Variants in MAGT1 observed in about 807,000 individuals in gnomAD.
The protein encoded by MAGT1 is magnesium transporter 1, also known as dolichyl-diphosphooligosaccharide--protein glycosyltransferase subunit MAGT1.
MAGT1 carries 4 observed loss-of-function variants against 28.4 expected under a neutral mutation model. That is an observed-to-expected ratio of 0.14 (90% CI 0.07 to 0.32). MAGT1 has a LOEUF of 0.32. MAGT1 is among the 10% of genes least tolerant of loss of function. The probability of loss-of-function intolerance (pLI) is 1.00; values close to 1 mark genes in which losing one functional copy is unlikely to be tolerated. For missense variants in MAGT1, 193 were observed against 264.5 expected, an observed-to-expected ratio of 0.73 and a Z score of 1.88; for synonymous variants, 89 against 89.7, an observed-to-expected ratio of 0.99 and a Z score of 0.04.
chrX:77,835,204 C>T (rs1397268916), intron 8 of MAGT1, among the ~76,000 whole-genome samples: 2 of 110,238 alleles, frequency 1.8e-5, no homozygotes, highest in Admixed American at 9.9e-5. Context: ...TCATGATCCA[C>T]CTGCCTCGGC....
chrX:77,892,633 C>CA (rs2077086309), intron 1 of MAGT1, among the ~76,000 whole-genome samples: 1 of 109,489 alleles, frequency 9.1e-6, no homozygotes, highest in East Asian at 2.9e-4. Flanking sequence ...CCCATTTCTA[C>CA]AAAAAATATA....
At chrX:77,832,779 C>T (rs782552051) in intron 8 of MAGT1, among the ~76,000 whole-genome samples, 2 of 94,474 alleles carry the variant, frequency 2.1e-5, no homozygotes, top group East Asian at 3.4e-4. Context: ...ACCAAGATCG[C>T]GCCACTGCAC....
rs1248983236 is a variant in MAGT1, at chrX:77,827,206, T to G, written c.*2014A>C. ...TATAATGATAACCATGAAAACATTC[T>G]TCACAGAAATTTGGTTAGCACATAT... On this transcript the variant is annotated 3_prime_UTR_variant, in exon 10 of 10. Transcript: ENST00000618282. The G allele has an allele frequency of 9.0e-6, 1 of 111,613 alleles. No homozygotes were observed. Among genetic ancestry groups the G allele is most frequent in the Non-Finnish European group, 1.9e-5 (1 of 53,170 alleles). 9.2% of individuals were successfully genotyped at this position (111,613 alleles called of 1,213,427 possible). A position where few individuals can be genotyped will look rare whatever the true frequency, so the allele number is the denominator to read the frequency against.
chrX:77,876,896 C>T (rs962485013), intron 1 of MAGT1, among the ~76,000 whole-genome samples: 7 of 108,011 alleles, frequency 6.5e-5, no homozygotes, highest in Non-Finnish European at 1.3e-4. Context: ...GCCTGTAATC[C>T]CAGCTACTTG....
intron 7 of MAGT1, among the ~76,000 whole-genome samples, chrX:77,851,691 A>G (rs1291960403): frequency 9.2e-6 from 1 of 108,737 alleles, no homozygotes; most frequent in Admixed American, 9.8e-5. Context: ...TAAGTTTTGT[A>G]TTTTTGGTAG....
chrX:77,895,217 C>T, intron 1 of MAGT1, 92 bp downstream of exon 1: 3 of 985,508 alleles, frequency 3.0e-6, no homozygotes, highest in Non-Finnish European at 4.3e-6. Flanking sequence ...GGCATAGAAG[C>T]GGCAGGGAAA....
rs1557219808 is a variant in MAGT1 at position 77,895,350 on chromosome X, C to T, written c.61G>A (p.Val21Ile). ...SVTMVVALLI[V>I]CDVPSASAQR... ...GCAGAGGCTGAGGGAACGTCGCAAA[C>T]GATGAGCAGCGCCACCACCATGGTC... Residue 21 changes from valine (V) to isoleucine (I), a missense_variant, in exon 1 of 10, where the codon GTT becomes ATT. Val to Ile is a conservative substitution (Grantham distance 29). Coordinates refer to ENST00000618282, the MANE Select transcript of MAGT1 (RefSeq NM_001367916.1). The T allele has an allele frequency of 3.3e-6, 4 of 1,212,143 alleles. No individual in the cohort carries two copies. The highest frequency in any genetic ancestry group is 4.5e-6 in the Non-Finnish European group (4 of 895,628).
chrX:77,857,988 T>C (rs1345231869), intron 3 of MAGT1, among the ~76,000 whole-genome samples: 1 of 111,791 alleles, frequency 8.9e-6, no homozygotes, highest in Non-Finnish European at 1.9e-5. Flanking sequence ...AAATGTTTAC[T>C]GATGAGCACC....
At chrX:77,847,908 G>C (rs984387475) in intron 7 of MAGT1, among the ~76,000 whole-genome samples, 21 of 111,159 alleles carry the variant, frequency 1.9e-4, no homozygotes, top group African/African-American at 5.9e-4. Flanking sequence ...CACCATGCCC[G>C]GCCAAAGATT....
chrX:77,832,265 T>C (rs1205358398), intron 8 of MAGT1, among the ~76,000 whole-genome samples: 1 of 111,549 alleles, frequency 9.0e-6, no homozygotes, highest in Non-Finnish European at 1.9e-5. Flanking sequence ...GAGATAGGGA[T>C]GTAGGGAAGC....
chrX:77,844,178 A>G (rs1285406996), intron 7 of MAGT1, among the ~76,000 whole-genome samples: 2 of 111,472 alleles, frequency 1.8e-5, no homozygotes, highest in Non-Finnish European at 3.8e-5. Flanking sequence ...TAGACATGAG[A>G]GGGTGTATGT....
chrX:77,865,459 TTTG>T (rs782331805), intron 3 of MAGT1, among the ~76,000 whole-genome samples: 19 of 108,967 alleles, frequency 1.7e-4, no homozygotes, highest in Non-Finnish European at 7.6e-5. Flanking sequence ...CCGTCTAATT[TTTG>T]TTGTTTTTTT....
intron 1 of MAGT1, among the ~76,000 whole-genome samples, chrX:77,891,315 CATCTATCTATCT>C (rs79053193): frequency 6.9e-4 from 62 of 90,434 alleles, no homozygotes; most frequent in Non-Finnish European, 1.1e-3. Context: ...TCAGTTCCCT[CATCTATCTATCT>C]ATCTATCTAT....
In MAGT1 at chrX:77,841,601, G is replaced by A. The variant is rs188186529; in HGVS notation, c.827-281C>T. Among the ~76,000 whole-genome samples, 546 of 110,698 alleles carry A rather than the reference G, an allele frequency of 4.9e-3. 2 individuals carry two copies. Among genetic ancestry groups the A allele is most frequent in the Non-Finnish European group, 8.2e-3 (434 of 52,962 alleles). ...TTACAGATGAAATATGAGTTTTCCC[G>A]AAATTGTACTTTGAAATAACCTGTC... On this transcript the variant is annotated intron_variant, in intron 7 of 9. Coordinates refer to ENST00000618282, the MANE Select transcript of MAGT1 (RefSeq NM_001367916.1).
At chrX:77,844,576 G>A (rs2076944933) in intron 7 of MAGT1, among the ~76,000 whole-genome samples, 1 of 110,626 alleles carries the variant, frequency 9.0e-6, no homozygotes, top group African/African-American at 3.3e-5. Flanking sequence ...TTTCTCTTGT[G>A]GGCATTTAGT....
chrX:77,870,880 G>A lies in MAGT1; in HGVS notation c.318C>T (p.Tyr106=), dbSNP rs2077018821. 1 of 1,208,871 alleles carries A rather than the reference G, an allele frequency of 8.3e-7. No individual in the cohort carries two copies. The highest frequency in any genetic ancestry group is 1.7e-5 in the African/African-American group (1 of 57,261). ...ATATCCTGTTGGTGAATGCACTGGAGTATCGCCAGGAGTTTGCCAGGATCT... is the reference window on the plus strand; with the variant it reads ...ATATCCTGTTGGTGAATGCACTGGAATATCGCCAGGAGTTTGCCAGGATCT... ...EFQILANSWR[Y]SSAFTNRIFF... The change falls in exon 3 of 10, where the codon TAC becomes TAT. Residue 106 remains tyrosine (Y), a synonymous_variant. Transcript: ENST00000618282.
intron 1 of MAGT1, among the ~76,000 whole-genome samples, chrX:77,895,106 T>C (rs782388858): frequency 2.7e-5 from 3 of 111,509 alleles, no homozygotes; most frequent in Non-Finnish European, 5.6e-5. Flanking sequence ...TCACCTACGC[T>C]ACTCCACTCT....
At chrX:77,847,209 C>G (rs965256013) in intron 7 of MAGT1, among the ~76,000 whole-genome samples, 1 of 112,463 alleles carries the variant, frequency 8.9e-6, no homozygotes, top group South Asian at 3.7e-4. Context: ...AGCGAGGCTC[C>G]GTGGGCGTAG....
intron 7 of MAGT1, among the ~76,000 whole-genome samples, chrX:77,846,496 G>A (rs1203934200): frequency 8.9e-6 from 1 of 112,214 alleles, no homozygotes; most frequent in African/African-American, 3.2e-5. Context: ...TCCTTTGGAG[G>A]AGGAGAGGCA....
Sources: allele counts gnomAD v4.1 joint callset (sites outside exome capture counted in the v4.1 genomes callset), GRCh38; gene constraint gnomAD v4.1.1; transcripts MANE v1.5; gene names NCBI Gene and HGNC (gene_info 2026-07-23, HGNC 2026-07-21).